The following CDKL3 variants were observed in gnomAD, a reference collection of about 807,000 sequenced individuals.
CDKL3 encodes the protein cyclin-dependent kinase-like 3.
Under a neutral mutation model 69.3 loss-of-function variants are expected in CDKL3, and 65 were observed. The ratio of observed to expected loss-of-function variants is 0.94; its 90% confidence interval spans 0.77 to 1.15. The LOEUF is 1.15. Ranked by LOEUF, CDKL3 falls within the 50% of genes most tolerant of loss-of-function variation. The pLI is 0.00. For synonymous variants in CDKL3, 202 were observed against 221.6 expected (o/e 0.91, Z 0.79); for missense variants, 652 against 689.2 (o/e 0.95, Z 0.61).
At chr5:134,340,032 T>A (rs1750079525) in intron 4 of CDKL3, among the ~76,000 whole-genome samples, 1 of 151,958 alleles carries the variant, frequency 6.6e-6, no homozygotes, top group Non-Finnish European at 1.5e-5. Context: ...CACACACCTG[T>A]AGTCTCAGCT....
intron 1 of CDKL3, among the ~76,000 whole-genome samples, 185 bp downstream of exon 1, chr5:134,366,792 T>C (rs1393050715): frequency 2.0e-5 from 3 of 152,094 alleles, no homozygotes; most frequent in Non-Finnish European, 2.9e-5. Flanking sequence ...GTCATGCCCA[T>C]CAACACTGAG....
At chr5:134,327,480 G>A (rs1343932321) in intron 4 of CDKL3, among the ~76,000 whole-genome samples, 1 of 152,188 alleles carries the variant, frequency 6.6e-6, no homozygotes, top group Non-Finnish European at 1.5e-5. Context: ...CCTTTCAAAG[G>A]AATTGACATC....
chr5:134,364,656 C>T (rs982632735), intron 2 of CDKL3, among the ~76,000 whole-genome samples: 1 of 149,778 alleles, frequency 6.7e-6, no homozygotes, highest in Admixed American at 6.6e-5. Context: ...GGATTACAGG[C>T]ATGCACTACC....
intron 4 of CDKL3, among the ~76,000 whole-genome samples, chr5:134,324,808 T>C (rs1056776642): frequency 3.3e-5 from 5 of 152,160 alleles, no homozygotes; most frequent in African/African-American, 1.2e-4. Context: ...ACCCAGGAAA[T>C]ACAACACAGA....
intron 12 of CDKL3, 149 bp from the exon 13 acceptor site, chr5:134,298,859 C>T (rs550494719): frequency 3.6e-4 from 376 of 1,056,394 alleles, no homozygotes; most frequent in Non-Finnish European, 4.7e-4. Context: ...CAATGCCTTG[C>T]TCAACTTCCA....
At chr5:134,370,655 A>G (rs1758282258), upstream of CDKL3, among the ~76,000 whole-genome samples, 1 of 152,192 alleles carries the variant, frequency 6.6e-6, no homozygotes, top group South Asian at 2.1e-4. Flanking sequence ...ATCCTTTAAT[A>G]TTTGCCCAGA....
At chr5:134,320,073 A>G (rs978080997) in intron 5 of CDKL3, among the ~76,000 whole-genome samples, 9 of 152,090 alleles carry the variant, frequency 5.9e-5, no homozygotes, top group African/African-American at 2.2e-4. Flanking sequence ...TCATCTGTGA[A>G]ATGATAGGAT....
chr5:134,365,706 A>C (rs1642564832), intron 2 of CDKL3, among the ~76,000 whole-genome samples: 1 of 152,184 alleles, frequency 6.6e-6, no homozygotes, highest in African/African-American at 2.4e-5. Flanking sequence ...CCTCCAATTT[A>C]CTGTTCTAAT....
At chr5:134,348,576 G>A (rs1312173839) in intron 4 of CDKL3, among the ~76,000 whole-genome samples, 1 of 146,750 alleles carries the variant, frequency 6.8e-6, no homozygotes, top group Admixed American at 6.9e-5. Flanking sequence ...TTAGTGGGAG[G>A]TTAAAAAAAA....
At chr5:134,337,325 C>A (rs1777369932) in intron 4 of CDKL3, among the ~76,000 whole-genome samples, 1 of 152,212 alleles carries the variant, frequency 6.6e-6, no homozygotes, top group African/African-American at 2.4e-5. Flanking sequence ...AGGCGACGCC[C>A]CTCCCTGCTT....
At chr5:134,302,501 G>C (rs1211431064) in intron 12 of CDKL3, 89 bp downstream of exon 12, 1 of 685,324 alleles carries the variant, frequency 1.5e-6, no homozygotes, top group Non-Finnish European at 2.5e-6. Context: ...TTTTTATATA[G>C]CTTTCCAATA....
intron 4 of CDKL3, among the ~76,000 whole-genome samples, chr5:134,325,196 G>A (rs1187618420): frequency 1.3e-5 from 2 of 152,224 alleles, no homozygotes; most frequent in East Asian, 1.9e-4. Context: ...ATAAAGAAGA[G>A]TGGGGAGGGA....
Position 134,326,840 on chromosome 5 carries a change from TATATATATATATATATATATATATATAC to T in CDKL3, c.540-4965_540-4938del, listed in dbSNP as rs1401624347. ...GTGTATATATATATATATATATATA[TATATATATATATATATATATATATATAC>T]ACACACACACATAGTCCTTATAGTC... On this transcript the variant is annotated intron_variant, in intron 4 of 12. Transcript: ENST00000265334. 4.0e-3 allele frequency among the ~76,000 whole-genome samples: 460 copies of T among 113,902 alleles called. 7 individuals are homozygous for T. Among genetic ancestry groups the T allele is most frequent in the African/African-American group, 0.016 (403 of 24,616 alleles). 74.7% of individuals were successfully genotyped at this position (113,902 alleles called of 152,430 possible). A position where few individuals can be genotyped will look rare whatever the true frequency, so the allele number is the denominator to read the frequency against.
At chr5:134,291,770 T>C (rs1461541088) in intron 8 of CDKL3, among the ~76,000 whole-genome samples, 1 of 146,640 alleles carries the variant, frequency 6.8e-6, no homozygotes, top group African/African-American at 2.5e-5. Flanking sequence ...CAAGACTCCA[T>C]CTCAAAAAAA....
At chr5:134,350,943 C>T (rs1753154093) in intron 3 of CDKL3, among the ~76,000 whole-genome samples, 1 of 151,916 alleles carries the variant, frequency 6.6e-6, no homozygotes, top group Non-Finnish European at 1.5e-5. Flanking sequence ...CTTTCATGTC[C>T]TTCACAGCTA....
chr5:134,367,086 CGAACACT>C lies in CDKL3; in HGVS notation c.-138_-132del. The C allele has an allele frequency of 1.0e-6, 1 of 986,564 alleles. No individual in the cohort carries two copies. The highest frequency in any genetic ancestry group is 1.2e-6 in the Non-Finnish European group (1 of 830,742). 61.1% of individuals were successfully genotyped at this position (986,564 alleles called of 1,614,324 possible). A position where few individuals can be genotyped will look rare whatever the true frequency, so the allele number is the denominator to read the frequency against. On this transcript the variant is annotated 5_prime_UTR_variant, in exon 1 of 13. An upstream open reading frame in the 5' UTR gains an earlier in-frame stop. Transcript: ENST00000265334. Reference sequence around the variant, plus strand: ...CTCTGCGTAGTTCCAGTGGAGCCACCGAACACTGATACTACTTTGTTGCTCAGCCCCG... The same window carrying C: ...CTCTGCGTAGTTCCAGTGGAGCCACCGATACTACTTTGTTGCTCAGCCCCG...
chr5:134,348,908 G>GT (rs981132432), intron 4 of CDKL3, among the ~76,000 whole-genome samples: 1 of 152,140 alleles, frequency 6.6e-6, no homozygotes, highest in African/African-American at 2.4e-5. Context: ...TTTTATAGAT[G>GT]AAGTAATTGA....
chr5:134,368,655 C>T (rs1400664117), upstream of CDKL3, among the ~76,000 whole-genome samples: 1 of 149,628 alleles, frequency 6.7e-6, no homozygotes, highest in Non-Finnish European at 1.5e-5. Flanking sequence ...AGTTATTCAA[C>T]CACAATATAA....
At chr5:134,345,559 G>A (rs1183172739) in intron 4 of CDKL3, among the ~76,000 whole-genome samples, 3 of 152,216 alleles carry the variant, frequency 2.0e-5, no homozygotes, top group Non-Finnish European at 2.9e-5. Context: ...AGTCCGAAAA[G>A]AGAGTCAGCA....
Sources: gnomAD v4.1 joint callset for allele counts (sites outside exome capture counted in the v4.1 genomes callset) on GRCh38, gnomAD v4.1.1 for gene constraint, MANE v1.5 for transcripts, NCBI Gene and HGNC (gene_info 2026-07-23, HGNC 2026-07-21) for gene names.